The following KCND2 variants were observed in gnomAD, a reference collection of about 807,000 sequenced individuals.
KCND2 encodes potassium voltage-gated channel subfamily D member 2.
Under a neutral mutation model 54.4 loss-of-function variants are expected in KCND2, and 16 were observed. The ratio of observed to expected loss-of-function variants is 0.29; its 90% CI spans 0.20 to 0.45. The LOEUF is 0.45. KCND2 is among the 20% of genes least tolerant of loss of function. KCND2 has a pLI of 1.00. For synonymous variants in KCND2, 317 were observed against 310.7 expected (o/e 1.02, Z -0.21); for missense variants, 486 against 824.2 (o/e 0.59, Z 5.02).
rs180687732 is a variant in KCND2, at chr7:120,434,429, C to T, written c.1115+158682C>T. Among the ~76,000 whole-genome samples, 394 of 152,274 alleles carry T rather than the reference C, an allele frequency of 2.6e-3. 7 individuals carry two copies. Among genetic ancestry groups the T allele is most frequent in the Admixed American group, 0.012 (188 of 15,288 alleles). On this transcript the variant is annotated intron_variant, in intron 1 of 5. Coordinates refer to ENST00000331113, the MANE Select transcript of KCND2 (RefSeq NM_012281.3). Reference sequence around the variant, plus strand: ...GGCAGTGTACAGTTTTCTTAGATACCTAGAGCAGCTTAAGAATCCACTCTT... The same window carrying T: ...GGCAGTGTACAGTTTTCTTAGATACTTAGAGCAGCTTAAGAATCCACTCTT...
intron 1 of KCND2, among the ~76,000 whole-genome samples, chr7:120,384,540 A>G (rs940005367): frequency 6.6e-6 from 1 of 152,164 alleles, no homozygotes; most frequent in Non-Finnish European, 1.5e-5. Context: ...TTATGTCACT[A>G]TAATACAGCA....
chr7:120,592,258 A>G (rs1792681374), intron 1 of KCND2, among the ~76,000 whole-genome samples: 1 of 152,180 alleles, frequency 6.6e-6, no homozygotes, highest in African/African-American at 2.4e-5. Flanking sequence ...AACATAAAGA[A>G]GCAAATAAGG....
chr7:120,747,572 C>T, intron 5 of KCND2, 109 bp from the exon 6 acceptor site: 1 of 754,558 alleles, frequency 1.3e-6, no homozygotes, highest in Non-Finnish European at 2.2e-6. Flanking sequence ...AATAACTTTC[C>T]TTAGACAATT....
intron 1 of KCND2, among the ~76,000 whole-genome samples, chr7:120,319,326 G>GA (rs1799858690): frequency 1.3e-5 from 2 of 152,084 alleles, no homozygotes; most frequent in East Asian, 3.9e-4. Context: ...TAGACAAGTA[G>GA]AAAAAATTAC....
chr7:120,728,132 C>CA (rs571232607), intron 1 of KCND2, among the ~76,000 whole-genome samples: 3,869 of 46,364 alleles, frequency 0.083, 124 homozygotes, highest in African/African-American at 0.16. Context: ...GATTCCGTCT[C>CA]AAAAAAAAAA....
At chr7:120,595,038 AAGAG>A (rs529985529) in intron 1 of KCND2, among the ~76,000 whole-genome samples, 5 of 151,216 alleles carry the variant, frequency 3.3e-5, no homozygotes, top group South Asian at 4.2e-4. Context: ...AAAAAAAAAA[AAGAG>A]AGAGAGAGAA....
chr7:120,694,758 C>T (rs1792314045), intron 1 of KCND2, among the ~76,000 whole-genome samples: 1 of 152,108 alleles, frequency 6.6e-6, no homozygotes, highest in African/African-American at 2.4e-5. Flanking sequence ...ATTGGGCATA[C>T]TCAGAAGTAT....
At chr7:120,570,769 A>G (rs1472306084) in intron 1 of KCND2, among the ~76,000 whole-genome samples, 1 of 152,126 alleles carries the variant, frequency 6.6e-6, no homozygotes, top group Non-Finnish European at 1.5e-5. Flanking sequence ...TCATCTTCAG[A>G]TTTCTTAAAA....
intron 1 of KCND2, among the ~76,000 whole-genome samples, chr7:120,352,324 AATAC>A (rs1800421903): frequency 6.6e-6 from 1 of 151,732 alleles, no homozygotes; most frequent in Non-Finnish European, 1.5e-5. Context: ...AGTTTTCCCA[AATAC>A]ATACATATAT....
chr7:120,287,279 A>T (rs1799359981), intron 1 of KCND2, among the ~76,000 whole-genome samples: 1 of 152,114 alleles, frequency 6.6e-6, no homozygotes, highest in Non-Finnish European at 1.5e-5. Flanking sequence ...CATAACTCCC[A>T]GATGATTGTG....
In KCND2 at chr7:120,496,614, C is replaced by T. The variant is rs113774502; in HGVS notation, c.1115+220867C>T. Reference sequence around the variant, plus strand: ...TGCTTTTTCGTATTTTTAGTAGAGACGGAGTTTCACCATGTTAGCCAGGAT... The same window carrying T: ...TGCTTTTTCGTATTTTTAGTAGAGATGGAGTTTCACCATGTTAGCCAGGAT... On this transcript the variant is annotated intron_variant, in intron 1 of 5. Coordinates refer to ENST00000331113, the MANE Select transcript of KCND2 (RefSeq NM_012281.3). 3.0e-3 allele frequency among the ~76,000 whole-genome samples: 453 copies of T among 151,804 alleles called. 2 individuals are homozygous for T. The highest frequency in any genetic ancestry group is 0.01 in the African/African-American group (419 of 41,414).
intron 1 of KCND2, among the ~76,000 whole-genome samples, chr7:120,629,116 T>A (rs147713456): frequency 0.012 from 1,865 of 152,250 alleles, 31 homozygotes; most frequent in East Asian, 0.042. Flanking sequence ...TGCACAAAAC[T>A]GTGGGATGAA....
At chr7:120,699,165 C>A (rs1792369326) in intron 1 of KCND2, among the ~76,000 whole-genome samples, 1 of 151,786 alleles carries the variant, frequency 6.6e-6, no homozygotes, top group South Asian at 2.1e-4. Context: ...ACCTGTCGTC[C>A]CAGCTACTTG....
At chr7:120,575,148 G>C (rs539061828) in intron 1 of KCND2, among the ~76,000 whole-genome samples, 8 of 152,090 alleles carry the variant, frequency 5.3e-5, no homozygotes, top group Non-Finnish European at 1.2e-4. Context: ...TTATTAAGGA[G>C]TATTGACTCA....
chr7:120,462,461 G>A (rs958940612), intron 1 of KCND2, among the ~76,000 whole-genome samples: 6 of 151,970 alleles, frequency 3.9e-5, no homozygotes, highest in African/African-American at 1.4e-4. Flanking sequence ...GTAACAGTAA[G>A]CATATTAAAG....
chr7:120,700,590 A>G (rs569831802), intron 1 of KCND2, among the ~76,000 whole-genome samples: 3 of 152,328 alleles, frequency 2.0e-5, no homozygotes, highest in South Asian at 4.1e-4. Flanking sequence ...GCCCCTTTCA[A>G]CATCAAACTT....
intron 1 of KCND2, among the ~76,000 whole-genome samples, chr7:120,545,877 A>G (rs1792036417): frequency 6.7e-6 from 1 of 150,062 alleles, no homozygotes. Flanking sequence ...CAAAAAAAAA[A>G]GAAGAAGAGG....
rs1261343350 is a variant in KCND2, at chr7:120,273,515, C to A, written c.-1118C>A. 2.0e-5 allele frequency among the ~76,000 whole-genome samples: 3 copies of A among 151,946 alleles called. No homozygotes were observed. The highest frequency in any genetic ancestry group is 7.2e-5 in the African/African-American group (3 of 41,438). ...CAGGAGCGAGTCCCCTCCGTTCTCG[C>A]CTCCCCCGCACCTTTTGAACTTGTT... On this transcript the variant is annotated 5_prime_UTR_variant, in exon 1 of 6. Coordinates refer to ENST00000331113, the MANE Select transcript of KCND2 (RefSeq NM_012281.3).
chr7:120,389,419 G>C (rs1308210982), intron 1 of KCND2, among the ~76,000 whole-genome samples: 1 of 151,740 alleles, frequency 6.6e-6, no homozygotes, highest in Non-Finnish European at 1.5e-5. Flanking sequence ...CTAGTATATA[G>C]TACAATATTA....
Sources: allele counts gnomAD v4.1 joint callset (sites outside exome capture counted in the v4.1 genomes callset), GRCh38; gene constraint gnomAD v4.1.1; transcripts MANE v1.5; gene names NCBI Gene and HGNC (gene_info 2026-07-23, HGNC 2026-07-21).